AFF3: variants seen among roughly 807,000 people sequenced by gnomAD.
AFF3 encodes the protein AF4/FMR2 family member 3.
In AFF3, 32 loss-of-function variants were observed where a neutral mutation model predicts 129.7. That is an observed-to-expected ratio of 0.25 (90% CI 0.19 to 0.33). AFF3 has a LOEUF of 0.33. Ranked by LOEUF, AFF3 falls within the 10% of genes least tolerant of loss-of-function variation. AFF3 has a pLI of 1.00. For missense variants in AFF3, 1,373 were observed against 1,592.0 expected (o/e 0.86, Z 2.34); for synonymous variants, 644 against 635.4 (o/e 1.01, Z -0.20).
chr2:99,563,348 G>A (rs891325931), intron 20 of AFF3, among the ~76,000 whole-genome samples: 1 of 151,560 alleles, frequency 6.6e-6, no homozygotes, highest in Non-Finnish European at 1.5e-5. Flanking sequence ...CGGCCACCAC[G>A]CCCGGCTAAT....
In AFF3 at chr2:99,743,862, T is replaced by C. The variant is rs938736776; in HGVS notation, c.1039+242A>G. Among the ~76,000 whole-genome samples the C allele has an allele frequency of 9.8e-5, 15 of 152,326 alleles. No individual in the cohort carries two copies. The South Asian group carries it at 2.1e-3, about 21-fold the overall frequency. ...AATAAAGCATGAAGTTCCTTTCTCT[T>C]GGGATGGCTTTGAAATTCACCATTT... On this transcript the variant is annotated intron_variant, in intron 10 of 24. Transcript: ENST00000672756.
intron 7 of AFF3, among the ~76,000 whole-genome samples, chr2:99,956,297 A>G (rs1030089700): frequency 2.0e-5 from 3 of 152,204 alleles, no homozygotes; most frequent in African/African-American, 7.2e-5. Flanking sequence ...GGAGGAAGAC[A>G]CTATTAGCAA....
At chr2:99,689,696 C>T (rs1299400151) in intron 11 of AFF3, among the ~76,000 whole-genome samples, 1 of 141,738 alleles carries the variant, frequency 7.1e-6, no homozygotes, top group Admixed American at 7.1e-5. Flanking sequence ...GCATTCACCC[C>T]TTCAAAATAG....
At chr2:99,963,182 A>G (rs1677401552) in intron 7 of AFF3, among the ~76,000 whole-genome samples, 2 of 152,262 alleles carry the variant, frequency 1.3e-5, no homozygotes, top group East Asian at 3.9e-4. Context: ...ACTGAATTCT[A>G]TATTTGGTAA....
rs745541727 is a variant in AFF3 at position 99,593,832 on chromosome 2, G to T, written c.1829C>A (p.Ala610Asp). The T allele has an allele frequency of 6.2e-6, 10 of 1,604,340 alleles. No homozygotes were observed. Among genetic ancestry groups the T allele is most frequent in the South Asian group, 4.4e-5 (4 of 90,698 alleles). ...ANCHRPEEPA[A>D]ADALGTSVVV... ...CACGCTCGTCCCCAGCGCGTCCGCG[G>T]CCGCGGGCTCCTCGGGCCGGTGGCA... The change falls in exon 15 of 25, where the codon GCC (alanine) becomes GAC (aspartate). Residue 610 changes from alanine to aspartate, a missense_variant. Ala to Asp is a moderately radical substitution (Grantham distance 126, BLOSUM62 -2). Around this residue, in one of 9 missense-constraint regions of AFF3, gnomAD observed 466 missense variants for 505.0 expected, o/e 0.92. Coordinates refer to ENST00000672756, the MANE Select transcript of AFF3 (RefSeq NM_001386135.1).
At chr2:99,705,561 T>C (rs1677281115) in intron 11 of AFF3, among the ~76,000 whole-genome samples, 1 of 152,070 alleles carries the variant, frequency 6.6e-6, no homozygotes, top group African/African-American at 2.4e-5. Flanking sequence ...GACTAGCTTA[T>C]TTTTCTTTTG....
At chr2:99,868,969 T>A (rs1315163613) in intron 7 of AFF3, among the ~76,000 whole-genome samples, 1 of 152,162 alleles carries the variant, frequency 6.6e-6, no homozygotes, top group Non-Finnish European at 1.5e-5. Flanking sequence ...ACATTTTTAT[T>A]TTTTGTAGAG....
chr2:99,833,517 T>G (rs1439839842), intron 8 of AFF3, among the ~76,000 whole-genome samples: 1 of 152,198 alleles, frequency 6.6e-6, no homozygotes, highest in Non-Finnish European at 1.5e-5. Context: ...AATTCATTCC[T>G]TAAGTCCAAA....
At chr2:99,863,558 T>C (rs1319492088) in intron 7 of AFF3, among the ~76,000 whole-genome samples, 1 of 152,260 alleles carries the variant, frequency 6.6e-6, no homozygotes, top group African/African-American at 2.4e-5. Flanking sequence ...GATTTTTACA[T>C]GCAATGTTAT....
chr2:100,019,817 C>T (rs991855594), intron 4 of AFF3, among the ~76,000 whole-genome samples: 1 of 152,100 alleles, frequency 6.6e-6, no homozygotes, highest in Admixed American at 6.5e-5. Flanking sequence ...CACGCCCTTT[C>T]CTCCTCTCTG....
intron 4 of AFF3, among the ~76,000 whole-genome samples, chr2:100,078,999 T>C (rs897785219): frequency 5.3e-5 from 8 of 149,820 alleles, no homozygotes; most frequent in Admixed American, 4.7e-4. Context: ...CTGGATGGAG[T>C]GCAGTGGCGT....
In AFF3 at chr2:100,008,933, C is replaced by T; in HGVS notation, c.54-1G>A. On this transcript the variant is annotated splice_acceptor_variant, in intron 4 of 24. Transcript: ENST00000672756. LOFTEE classifies it high-confidence loss of function. ...TGCATTTCTATCTGGTTCATAGACA[C>T]TGCATCAGGAAAAAGAAGAGAGAAC... is the stretch of plus-strand genomic sequence containing the variant. 1 of 1,613,356 alleles carries T rather than the reference C, an allele frequency of 6.2e-7. No individual in the cohort carries two copies. Among genetic ancestry groups the T allele is most frequent in the Non-Finnish European group, 8.5e-7 (1 of 1,179,740 alleles).
chr2:99,956,011 TATC>T (rs1348600729), intron 7 of AFF3, among the ~76,000 whole-genome samples: 1 of 152,098 alleles, frequency 6.6e-6, no homozygotes, highest in African/African-American at 2.4e-5. Flanking sequence ...TAGGTAAAAT[TATC>T]ATGTACAGGC....
intron 13 of AFF3, among the ~76,000 whole-genome samples, chr2:99,607,663 A>T (rs1167283371): frequency 6.6e-6 from 1 of 152,218 alleles, no homozygotes. Flanking sequence ...TTAACTGACA[A>T]GTAACTTGGA....
intron 7 of AFF3, among the ~76,000 whole-genome samples, chr2:99,972,491 G>C (rs1678485496): frequency 6.6e-6 from 1 of 152,224 alleles, no homozygotes; most frequent in African/African-American, 2.4e-5. Context: ...ACCACACACA[G>C]AGTTTCATGG....
At chr2:99,728,531 C>A (rs747827800) in intron 10 of AFF3, among the ~76,000 whole-genome samples, 10 of 152,184 alleles carry the variant, frequency 6.6e-5, no homozygotes, top group African/African-American at 7.2e-5. Context: ...CCAAACTGAA[C>A]TCAAAAGCAA....
chr2:100,046,085 A>G (rs1685807355), intron 4 of AFF3, among the ~76,000 whole-genome samples: 1 of 152,210 alleles, frequency 6.6e-6, no homozygotes, highest in Non-Finnish European at 1.5e-5. Context: ...TGATCACATG[A>G]TCTAAGGCAA....
intron 2 of AFF3, chr2:100,107,242 A>G: frequency 1.0e-6 from 1 of 985,440 alleles, no homozygotes; most frequent in African/African-American, 1.7e-5. Flanking sequence ...AATAGTTTTT[A>G]CAAGTAAAAT....
At chr2:99,712,694 C>T (rs1485000750) in intron 11 of AFF3, among the ~76,000 whole-genome samples, 2 of 152,200 alleles carry the variant, frequency 1.3e-5, no homozygotes, top group Non-Finnish European at 2.9e-5. Flanking sequence ...ATAAAATGTA[C>T]TTCTGACTGT....
Sources: gnomAD v4.1 joint callset for allele counts (sites outside exome capture counted in the v4.1 genomes callset) on GRCh38, gnomAD v4.1.1 for gene constraint, gnomAD v4.1.1 regional missense constraint, MANE v1.5 for transcripts, NCBI Gene and HGNC (gene_info 2026-07-23, HGNC 2026-07-21) for gene names.